Variants in GLDC observed in about 807,000 individuals in gnomAD.
GLDC encodes the protein glycine decarboxylase.
GLDC carries 104 observed loss-of-function variants against 121.3 expected under a neutral mutation model. The observed-to-expected ratio is 0.86, with a 90% CI of 0.73 to 1.01. The LOEUF (loss-of-function observed/expected upper bound fraction) is 1.01, where lower values mean the gene tolerates loss of function less well. GLDC is among the 50% of genes least tolerant of loss of function. GLDC has a pLI of 0.00. For missense variants in GLDC, 1,429 were observed against 1,306.6 expected (o/e 1.09, Z -1.44); for synonymous variants, 546 against 480.6 (o/e 1.14, Z -1.78).
chr9:6,575,214 CA>C (rs571198952), intron 15 of GLDC, among the ~76,000 whole-genome samples: 3,741 of 96,856 alleles, frequency 0.039, 101 homozygotes, highest in African/African-American at 0.095. Context: ...TCAAAAGAAG[CA>C]AAAAAAAAAA....
In GLDC at chr9:6,532,963, C is replaced by T. The variant is rs995199042; in HGVS notation, c.*54G>A. 20 of 1,308,218 alleles carry T rather than the reference C, an allele frequency of 1.5e-5. No homozygotes were observed. Among genetic ancestry groups the T allele is most frequent in the South Asian group, 2.4e-5 (2 of 84,536 alleles). 81.0% of individuals were successfully genotyped at this position (1,308,218 alleles called of 1,614,324 possible). On this transcript the variant is annotated 3_prime_UTR_variant, in exon 25 of 25. Transcript: ENST00000321612. ...GGGAGATGAAATCTTTCTTGCTTAT[C>T]AAATGCTCTGGGGAGAGGCATCAAA...
intron 2 of GLDC, among the ~76,000 whole-genome samples, chr9:6,633,821 CTTTTTTTTTTT>C (rs1156711956): frequency 2.2e-5 from 2 of 89,458 alleles, no homozygotes; most frequent in South Asian, 4.2e-4. Flanking sequence ...GCAGGAGAAT[CTTTTTTTTTTT>C]TTTTTTTTTT....
At chr9:6,592,726 T>A (rs1322628969) in intron 10 of GLDC, 125 bp downstream of exon 10, 1 of 849,552 alleles carries the variant, frequency 1.2e-6, no homozygotes, top group Non-Finnish European at 1.9e-6. Context: ...AACACTTGTT[T>A]ATGAAAAAAT....
At chr9:6,533,337 C>T (rs1817041347) in intron 24 of GLDC, among the ~76,000 whole-genome samples, 177 bp from the exon 25 acceptor site, 1 of 152,116 alleles carries the variant, frequency 6.6e-6, no homozygotes, top group Non-Finnish European at 1.5e-5. Flanking sequence ...TCCCAGGAGG[C>T]GTGTCCCTGA....
intron 2 of GLDC, among the ~76,000 whole-genome samples, chr9:6,642,524 C>T (rs1298352574): frequency 6.6e-6 from 1 of 151,916 alleles, no homozygotes; most frequent in Non-Finnish European, 1.5e-5. Flanking sequence ...GAACAAGAAT[C>T]CATTTCAAAA....
rs59993571 is a variant in GLDC, at chr9:6,555,361, A to C, written c.2203-580T>G. Reference sequence around the variant, plus strand: ...TCCCACCACTTGGGTGTTAGGACTAATTTTGATGGTGACCAAAGGTACAGA... The same window carrying C: ...TCCCACCACTTGGGTGTTAGGACTACTTTTGATGGTGACCAAAGGTACAGA... On this transcript the variant is annotated intron_variant, in intron 18 of 24. Transcript: ENST00000321612. Among the ~76,000 whole-genome samples, 178 of 152,332 alleles carry C rather than the reference A, an allele frequency of 1.2e-3. 2 individuals are homozygous for C. The highest frequency in any genetic ancestry group is 4.2e-3 in the African/African-American group (173 of 41,566).
chr9:6,583,322 C>T (rs1476831131), intron 15 of GLDC, among the ~76,000 whole-genome samples: 1 of 151,960 alleles, frequency 6.6e-6, no homozygotes, highest in Non-Finnish European at 1.5e-5. Flanking sequence ...TCAAGTGTCC[C>T]TCAATTGATG....
Position 6,535,801 on chromosome 9 carries a change from A to G in GLDC, c.2838+263T>C, listed in dbSNP as rs75645738. The G allele has an allele frequency of 5.7e-3, 2,846 of 501,922 alleles. 75 individuals are homozygous for G. Among genetic ancestry groups the G allele is most frequent in the African/African-American group, 0.051 (2,636 of 51,886 alleles). The allele number at this position is 501,922 out of a possible 1,614,324, so 31.1% of individuals were successfully genotyped here. A position where few individuals can be genotyped will look rare whatever the true frequency, so the allele number is the denominator to read the frequency against. On this transcript the variant is annotated intron_variant, in intron 23 of 24. Coordinates refer to ENST00000321612, the MANE Select transcript of GLDC (RefSeq NM_000170.3). The stretch of plus-strand genomic sequence containing the variant: ...TTATGCCATAATCTCACTACAGTAC[A>G]TCAAACAGAGATGCAGAATGTTACA...
At chr9:6,540,283 G>C (rs1817227939) in intron 21 of GLDC, 137 bp from the exon 22 acceptor site, 1 of 699,620 alleles carries the variant, frequency 1.4e-6, no homozygotes, top group Non-Finnish European at 2.6e-6. Context: ...ATGGGCACCG[G>C]GTAAGTTTAT....
chr9:6,549,486 T>G (rs538519385), intron 21 of GLDC, among the ~76,000 whole-genome samples: 13 of 152,288 alleles, frequency 8.5e-5, no homozygotes, highest in African/African-American at 3.1e-4. Flanking sequence ...TAAAGCTGCC[T>G]CAGGTGTGGA....
intron 2 of GLDC, among the ~76,000 whole-genome samples, chr9:6,629,695 A>G (rs34248027): frequency 0.025 from 3,837 of 151,830 alleles, 68 homozygotes; most frequent in Non-Finnish European, 0.04. Context: ...TTTGGCCTCA[A>G]TTATAAGGGA....
intron 3 of GLDC, among the ~76,000 whole-genome samples, chr9:6,613,566 T>G (rs759869401): frequency 3.9e-5 from 6 of 152,258 alleles, no homozygotes; most frequent in Non-Finnish European, 8.8e-5. Flanking sequence ...AACATGATTT[T>G]AACTGCTCTA....
At chr9:6,581,463 A>G (rs1346881425) in intron 15 of GLDC, among the ~76,000 whole-genome samples, 1 of 152,156 alleles carries the variant, frequency 6.6e-6, no homozygotes, top group African/African-American at 2.4e-5. Context: ...ATTTTGGGAA[A>G]CCCCAAATAA....
chr9:6,642,019 T>C (rs1330516766), intron 2 of GLDC, among the ~76,000 whole-genome samples: 1 of 152,206 alleles, frequency 6.6e-6, no homozygotes, highest in Non-Finnish European at 1.5e-5. Flanking sequence ...TCATTCACCA[T>C]GACACGTGCA....
rs909283201 is a variant in GLDC, at chr9:6,587,124, A to G, written c.1850+17T>C. On this transcript the variant is annotated intron_variant, in intron 15 of 24. Coordinates refer to ENST00000321612, the MANE Select transcript of GLDC (RefSeq NM_000170.3). The stretch of plus-strand genomic sequence containing the variant: ...AAGAATAGATTGCTGAAACAATAAG[A>G]AAAGAAATGCCCTTACCTGTTTGGC... The G allele has an allele frequency of 1.2e-6, 2 of 1,607,086 alleles. No individual in the cohort carries two copies. The highest frequency in any genetic ancestry group is 2.2e-5 in the East Asian group (1 of 44,876).
At position 6,539,191 on chromosome 9, in the gene GLDC, A is replaced by G. The variant is rs1455643704; in HGVS notation, c.2665+860T>C. 2.0e-5 allele frequency among the ~76,000 whole-genome samples: 3 copies of G among 152,134 alleles called. No homozygotes were observed. The East Asian group carries it at 5.8e-4, about 29-fold the overall frequency. ...TCATTTTCATATTATTATAATAGTA[A>G]TATTGGCTGGGCGTGCTGGCTCACA... On this transcript the variant is annotated intron_variant, in intron 22 of 24. Coordinates refer to ENST00000321612, the MANE Select transcript of GLDC (RefSeq NM_000170.3).
chr9:6,597,450 G>A (rs1818512611), intron 8 of GLDC, among the ~76,000 whole-genome samples: 1 of 152,164 alleles, frequency 6.6e-6, no homozygotes, highest in Admixed American at 6.6e-5. Context: ...AGCCAACAAG[G>A]CTGGATGCAG....
chr9:6,644,000 C>G (rs1285352675), intron 2 of GLDC, among the ~76,000 whole-genome samples: 1 of 118,040 alleles, frequency 8.5e-6, no homozygotes, highest in Non-Finnish European at 1.6e-5. Context: ...AGCCACAGCA[C>G]TCCAGCCTGG....
rs140100840 is a variant in GLDC, at chr9:6,633,282, T to C, written c.334+11332A>G. Among the ~76,000 whole-genome samples, 49 of 152,224 alleles carry C rather than the reference T, an allele frequency of 3.2e-4. No homozygotes were observed. In the East Asian group the frequency reaches 8.5e-3, roughly 26 times the overall value. On this transcript the variant is annotated intron_variant, in intron 2 of 24. Transcript: ENST00000321612. Reference sequence around the variant, plus strand: ...ACTGCCCTGCCTCTCTCCTTCTGCATGTTTTATTTCCTTATATCCTGGCTT... The same window carrying C: ...ACTGCCCTGCCTCTCTCCTTCTGCACGTTTTATTTCCTTATATCCTGGCTT...
Sources: allele counts gnomAD v4.1 joint callset (sites outside exome capture counted in the v4.1 genomes callset), GRCh38; gene constraint gnomAD v4.1.1; transcripts MANE v1.5; gene names NCBI Gene and HGNC (gene_info 2026-07-23, HGNC 2026-07-21).